The following CRK variants were observed in gnomAD, a reference collection of about 807,000 sequenced individuals.
CRK encodes CRK proto-oncogene, adaptor protein.
Under a neutral mutation model 29.8 loss-of-function variants are expected in CRK, and 4 were observed. The observed-to-expected ratio is 0.13, with a 90% CI of 0.07 to 0.31. CRK has a LOEUF of 0.31. Among genes scored for constraint, CRK ranks in the 10% least tolerant of loss-of-function variants. The probability of loss-of-function intolerance (pLI) is 1.00; values close to 1 mark genes in which losing one functional copy is unlikely to be tolerated. For synonymous variants in CRK, 153 were observed against 164.9 expected, an observed-to-expected ratio of 0.93 and a Z score of 0.55; for missense variants, 274 against 396.5, an observed-to-expected ratio of 0.69 and a Z score of 2.62.
intron 1 of CRK, among the ~76,000 whole-genome samples, chr17:1,453,710 C>G (rs1360376306): frequency 6.6e-6 from 1 of 151,822 alleles, no homozygotes. Flanking sequence ...AGTTCGAGAC[C>G]AGCCTGGTCA....
At chr17:1,429,998 G>C (rs1441286411) in intron 2 of CRK, among the ~76,000 whole-genome samples, 2 of 150,550 alleles carry the variant, frequency 1.3e-5, no homozygotes, top group Non-Finnish European at 3.0e-5. Context: ...TGGCAGACAG[G>C]TTCAAATATA....
chr17:1,432,666 A>G (rs956060766), intron 2 of CRK, among the ~76,000 whole-genome samples: 2 of 150,790 alleles, frequency 1.3e-5, no homozygotes, highest in African/African-American at 4.9e-5. Flanking sequence ...AGTCCCAGCT[A>G]CTTGGGGGGC....
chr17:1,425,313 C>T (rs374301909), intron 2 of CRK, among the ~76,000 whole-genome samples: 19 of 151,940 alleles, frequency 1.3e-4, no homozygotes, highest in African/African-American at 2.7e-4. Context: ...AAGATGGTCT[C>T]GATCTCCTGA....
chr17:1,454,058 T>C (rs958359955), intron 1 of CRK, among the ~76,000 whole-genome samples: 1 of 151,214 alleles, frequency 6.6e-6, no homozygotes, highest in Admixed American at 6.6e-5. Flanking sequence ...AAAAATTAGC[T>C]GGGCGTGGTG....
intron 1 of CRK, among the ~76,000 whole-genome samples, chr17:1,447,553 G>C (rs145446365): frequency 6.6e-6 from 1 of 151,756 alleles, no homozygotes; most frequent in Non-Finnish European, 1.5e-5. Context: ...CACTTCTGAC[G>C]GGTCTACAAG....
At chr17:1,434,749 C>T (rs2073874373) in intron 2 of CRK, among the ~76,000 whole-genome samples, 1 of 149,110 alleles carries the variant, frequency 6.7e-6, no homozygotes, top group Admixed American at 6.8e-5. Context: ...TGCCATTGCA[C>T]CCCAGCCTGG....
At chr17:1,444,001 ATTTTT>A in intron 1 of CRK, among the ~76,000 whole-genome samples, 1 of 139,540 alleles carries the variant, frequency 7.2e-6, no homozygotes, top group East Asian at 2.1e-4. Flanking sequence ...CGCCTGGCCT[ATTTTT>A]TTTTTTTAAT....
At chr17:1,430,589 T>A (rs1343557891) in intron 2 of CRK, among the ~76,000 whole-genome samples, 3 of 139,312 alleles carry the variant, frequency 2.2e-5, no homozygotes, top group African/African-American at 8.0e-5. Context: ...ATGGTCTCCA[T>A]TTCCTGACCT....
intron 2 of CRK, among the ~76,000 whole-genome samples, chr17:1,436,389 G>A (rs1311000884): frequency 1.3e-5 from 2 of 152,170 alleles, no homozygotes; most frequent in Non-Finnish European, 2.9e-5. Flanking sequence ...GTCCAAGTGT[G>A]TTTAGTAGAT....
At chr17:1,450,676 G>A (rs1024429703) in intron 1 of CRK, among the ~76,000 whole-genome samples, 1 of 151,514 alleles carries the variant, frequency 6.6e-6, no homozygotes, top group African/African-American at 2.4e-5. Context: ...TTGAGGCCAG[G>A]AGTTCAAGAC....
chr17:1,455,743 G>T, intron 1 of CRK, 134 bp downstream of exon 1: 1 of 1,264,880 alleles, frequency 7.9e-7, no homozygotes, highest in Non-Finnish European at 1.0e-6. Flanking sequence ...CCGAGCAGCC[G>T]GCGGGCCCCT....
chr17:1,455,011 G>T (rs1260436096), intron 1 of CRK, among the ~76,000 whole-genome samples: 1 of 152,202 alleles, frequency 6.6e-6, no homozygotes. Context: ...GTGACGCCCT[G>T]AAGTACACAC....
chr17:1,443,549 C>G lies in CRK; in HGVS notation c.242-6394G>C, dbSNP rs1049262066. ...TAGCTGGGACTACAGGCGCCCGCCA[C>G]CACGCCCGGCTAATTTTTTTTTGTA... On this transcript the variant is annotated intron_variant, in intron 1 of 2. Coordinates refer to ENST00000300574, the MANE Select transcript of CRK (RefSeq NM_016823.4). Among the ~76,000 whole-genome samples, 15 of 151,904 alleles carry G rather than the reference C, an allele frequency of 9.9e-5. 1 individual carries two copies. Among genetic ancestry groups the G allele is most frequent in the African/African-American group, 3.6e-4 (15 of 41,438 alleles).
chr17:1,436,871 C>T lies in CRK; in HGVS notation c.526G>A (p.Glu176Lys), dbSNP rs370837590. Reference protein sequence around the residue: ...EEQWWNAEDSEGKRGMIPVPY... With the variant: ...EEQWWNAEDSKGKRGMIPVPY... ...ACTGGAATCATCCCTCTCTTGCCTT[C>T]GCTGTCCTCCGCATTCCACCACTGC... Residue 176 changes from glutamate to lysine, a missense_variant, in exon 2 of 3, where the codon GAA (glutamate) becomes AAA (lysine). Around this residue, in one of 3 missense-constraint regions of CRK, gnomAD observed 18 missense variants for 61.3 expected, o/e 0.29. Coordinates refer to ENST00000300574, the MANE Select transcript of CRK (RefSeq NM_016823.4). The T allele has an allele frequency of 2.0e-5, 33 of 1,611,506 alleles. No homozygotes were observed. Among genetic ancestry groups the T allele is most frequent in the Admixed American group, 1.3e-4 (8 of 59,854 alleles).
intron 1 of CRK, 133 bp from the exon 2 acceptor site, chr17:1,437,288 G>A (rs1482440644): frequency 7.3e-6 from 7 of 954,746 alleles, no homozygotes; most frequent in Non-Finnish European, 1.0e-5. Context: ...CGGGGCTCAA[G>A]TGATCCTCTC....
intron 2 of CRK, among the ~76,000 whole-genome samples, chr17:1,429,579 C>G (rs2073817228): frequency 6.6e-6 from 1 of 151,690 alleles, no homozygotes; most frequent in African/African-American, 2.4e-5. Flanking sequence ...CAGCTGAGCC[C>G]AGGAGTTTGA....
At chr17:1,447,930 T>G (rs561581627) in intron 1 of CRK, among the ~76,000 whole-genome samples, 41 of 152,054 alleles carry the variant, frequency 2.7e-4, no homozygotes, top group Non-Finnish European at 4.9e-4. Context: ...TTTTCCCTTT[T>G]TTCCTCAATT....
chr17:1,428,853 C>CT (rs557419126), intron 2 of CRK, among the ~76,000 whole-genome samples: 3,290 of 144,212 alleles, frequency 0.023, 115 homozygotes, highest in African/African-American at 0.079. Flanking sequence ...GATTCTCTCT[C>CT]TTTTTTTTTT....
In CRK at chr17:1,430,645, G is replaced by A. The variant is rs1268966020; in HGVS notation, c.777+5975C>T. On this transcript the variant is annotated intron_variant, in intron 2 of 2. Coordinates refer to ENST00000300574, the MANE Select transcript of CRK (RefSeq NM_016823.4). ...CTCCCAAAGTGCTGGGATTACAGGCGTGAGCCACCACACCCAGCCTGATTC... is the reference window on the plus strand; with the variant it reads ...CTCCCAAAGTGCTGGGATTACAGGCATGAGCCACCACACCCAGCCTGATTC... Among the ~76,000 whole-genome samples, 7 of 151,346 alleles carry A rather than the reference G, an allele frequency of 4.6e-5. No individual in the cohort carries two copies. In the South Asian group the frequency reaches 1.0e-3, roughly 23 times the overall value.
Sources: allele counts gnomAD v4.1 joint callset (sites outside exome capture counted in the v4.1 genomes callset), GRCh38; gene constraint gnomAD v4.1.1; regional missense constraint gnomAD v4.1.1; transcripts MANE v1.5; gene names NCBI Gene and HGNC (gene_info 2026-07-23, HGNC 2026-07-21).